CPEB1: variants seen among roughly 807,000 people sequenced by gnomAD.
CPEB1 encodes cytoplasmic polyadenylation element binding protein 1.
A neutral mutation model predicts 65.8 loss-of-function variants in CPEB1; 7 were observed. That is an observed-to-expected ratio of 0.11 (90% confidence interval 0.06 to 0.20). The LOEUF (loss-of-function observed/expected upper bound fraction) is 0.20, where lower values mean the gene tolerates loss of function less well. Among genes scored for constraint, CPEB1 ranks in the 10% least tolerant of loss-of-function variants. The pLI is 1.00. For synonymous variants in CPEB1, 262 were observed against 260.0 expected, an observed-to-expected ratio of 1.01 and a Z score of -0.08; for missense variants, 551 against 712.2, an observed-to-expected ratio of 0.77 and a Z score of 2.58.
At chr15:82,616,762 A>G (rs2044755036) in intron 3 of CPEB1, among the ~76,000 whole-genome samples, 1 of 152,088 alleles carries the variant, frequency 6.6e-6, no homozygotes, top group Non-Finnish European at 1.5e-5. Flanking sequence ...AGGCTGGTTA[A>G]AATTTTTAAA....
At chr15:82,627,980 A>G (rs1218529774) in intron 2 of CPEB1, among the ~76,000 whole-genome samples, 1 of 152,182 alleles carries the variant, frequency 6.6e-6, no homozygotes, top group African/African-American at 2.4e-5. Context: ...AGAGGTATAC[A>G]TGCCCCCAAA....
At chr15:82,594,038 C>T (rs2042477079) in intron 3 of CPEB1, among the ~76,000 whole-genome samples, 1 of 152,178 alleles carries the variant, frequency 6.6e-6, no homozygotes, top group Admixed American at 6.5e-5. Context: ...CTAGAATCTT[C>T]AGAATGGTCG....
intron 3 of CPEB1, among the ~76,000 whole-genome samples, chr15:82,584,780 C>G (rs1470275639): frequency 7.0e-6 from 1 of 143,410 alleles, no homozygotes; most frequent in South Asian, 2.2e-4. Context: ...ATAAAAGAGG[C>G]AAATAGTGTG....
chr15:82,552,776 T>C (rs988219156), intron 8 of CPEB1, among the ~76,000 whole-genome samples, 160 bp from the exon 9 acceptor site: 2 of 152,256 alleles, frequency 1.3e-5, no homozygotes, highest in African/African-American at 2.4e-5. Context: ...AAGCATTTGC[T>C]ATGCAGATGC....
chr15:82,600,514 T>C (rs1363384495), intron 3 of CPEB1, among the ~76,000 whole-genome samples: 1 of 151,924 alleles, frequency 6.6e-6, no homozygotes, highest in Non-Finnish European at 1.5e-5. Flanking sequence ...CTATATAAGA[T>C]ACTTTCTTCT....
chr15:82,590,573 G>C (rs928065366), intron 3 of CPEB1, among the ~76,000 whole-genome samples: 1 of 152,022 alleles, frequency 6.6e-6, no homozygotes, highest in Non-Finnish European at 1.5e-5. Context: ...TCGTGAATTT[G>C]TTGTACAGAT....
At chr15:82,602,616 C>T (rs1019761980) in intron 3 of CPEB1, among the ~76,000 whole-genome samples, 95 of 152,172 alleles carry the variant, frequency 6.2e-4, no homozygotes, top group African/African-American at 2.2e-3. Context: ...GAGGCCGAGG[C>T]GAATGGATCA....
At chr15:82,622,416 T>A (rs2045381685) in intron 3 of CPEB1, among the ~76,000 whole-genome samples, 1 of 151,968 alleles carries the variant, frequency 6.6e-6, no homozygotes, top group African/African-American at 2.4e-5. Context: ...CCCCGCCACA[T>A]CTCTCTCCAG....
intron 4 of CPEB1, chr15:82,562,177 T>C: frequency 2.2e-6 from 1 of 453,636 alleles, no homozygotes; most frequent in South Asian, 1.6e-5. Context: ...TTTTAATCTT[T>C]AGGACTTCAC....
intron 4 of CPEB1, chr15:82,562,182 C>T (rs1337870705): frequency 4.5e-6 from 2 of 447,494 alleles, no homozygotes; most frequent in African/African-American, 4.1e-5. Flanking sequence ...ATCTTTAGGA[C>T]TTCACATCTG....
chr15:82,565,246 C>T (rs2038932373), intron 4 of CPEB1, among the ~76,000 whole-genome samples: 1 of 152,152 alleles, frequency 6.6e-6, no homozygotes, highest in African/African-American at 2.4e-5. Flanking sequence ...AGGCAGTTCT[C>T]TGAGTGTCTA....
At chr15:82,592,970 C>G (rs2042378880) in intron 3 of CPEB1, among the ~76,000 whole-genome samples, 1 of 152,124 alleles carries the variant, frequency 6.6e-6, no homozygotes, top group Admixed American at 6.5e-5. Context: ...ACACTCCATC[C>G]TGGACAACAG....
chr15:82,558,953 GTTT>G (rs5814116), intron 4 of CPEB1, among the ~76,000 whole-genome samples: 1 of 147,254 alleles, frequency 6.8e-6, no homozygotes. Flanking sequence ...TTAATTTGAA[GTTT>G]TTTTTTTTTT....
chr15:82,591,691 T>C (rs1432390439), intron 3 of CPEB1, among the ~76,000 whole-genome samples: 1 of 152,006 alleles, frequency 6.6e-6, no homozygotes, highest in Non-Finnish European at 1.5e-5. Context: ...CCCTCTAACC[T>C]CTCCCACCCC....
chr15:82,601,672 G>A (rs1000037596), intron 3 of CPEB1, among the ~76,000 whole-genome samples: 1 of 152,128 alleles, frequency 6.6e-6, no homozygotes, highest in Admixed American at 6.6e-5. Context: ...GTCACTGATT[G>A]ACAGGTTGAA....
At chr15:82,645,325 G>C (rs937350465) in intron 1 of CPEB1, among the ~76,000 whole-genome samples, 2 of 152,038 alleles carry the variant, frequency 1.3e-5, no homozygotes, top group Admixed American at 6.6e-5. Context: ...GCTAATTTTT[G>C]TATTTTTAGG....
At chr15:82,561,361 G>C (rs1042923853) in intron 4 of CPEB1, among the ~76,000 whole-genome samples, 16 of 152,188 alleles carry the variant, frequency 1.1e-4, no homozygotes, top group South Asian at 2.1e-4. Flanking sequence ...AAAATGGGGG[G>C]AGCATTCACC....
chr15:82,633,026 T>C (rs1268150061), intron 1 of CPEB1: 3 of 152,232 alleles, frequency 2.0e-5, no homozygotes, highest in Non-Finnish European at 2.9e-5. Flanking sequence ...TATTCTACTA[T>C]TGCCTGACAG....
rs200353216 is a variant in CPEB1 at position 82,557,848 on chromosome 15, C to T, written c.599G>A (p.Arg200Gln). 870 of 1,613,960 alleles carry T rather than the reference C, an allele frequency of 5.4e-4. No individual in the cohort carries two copies. Among genetic ancestry groups the T allele is most frequent in the Non-Finnish European group, 6.5e-4 (771 of 1,180,020 alleles). Reference sequence around the variant, plus strand: ...GCTAGATCGAGAGTCCAGGATGGGCCGGGTGTCCAGGCGTGATCCTCTAAC... The same window carrying T: ...GCTAGATCGAGAGTCCAGGATGGGCTGGGTGTCCAGGCGTGATCCTCTAAC... ...PSVRGSRLDTRPILDSRSSSP... is the reference protein window; with the variant it reads ...PSVRGSRLDTQPILDSRSSSP... Residue 200 changes from arginine (R) to glutamine (Q), a missense_variant, in exon 5 of 13, where the codon CGG becomes CAG. Around this residue, in one of 6 missense-constraint regions of CPEB1, gnomAD observed 223 missense variants for 228.6 expected, o/e 0.98. Coordinates refer to ENST00000684509, the MANE Select transcript of CPEB1 (RefSeq NM_001365242.1).
Sources: gnomAD v4.1 joint callset for allele counts (sites outside exome capture counted in the v4.1 genomes callset) on GRCh38, gnomAD v4.1.1 for gene constraint, gnomAD v4.1.1 regional missense constraint, MANE v1.5 for transcripts, NCBI Gene and HGNC (gene_info 2026-07-23, HGNC 2026-07-21) for gene names.